The following AGAP3 variants were observed in gnomAD, a reference collection of about 807,000 sequenced individuals.
AGAP3 encodes the protein arf-GAP with GTPase, ANK repeat and PH domain-containing protein 3.
Under a neutral mutation model 96.9 loss-of-function variants are expected in AGAP3, and 24 were observed. The observed-to-expected ratio is 0.25, with a 90% CI of 0.18 to 0.35. AGAP3 has a LOEUF of 0.35. AGAP3 is among the 10% of genes least tolerant of loss of function. The pLI is 1.00. For missense variants in AGAP3, 876 were observed against 1,254.2 expected, an observed-to-expected ratio of 0.70 and a Z score of 4.55; for synonymous variants, 563 against 536.1, an observed-to-expected ratio of 1.05 and a Z score of -0.69.
At chr7:151,123,737 G>T in intron 8 of AGAP3, 57 bp from the exon 9 acceptor site, 1 of 1,597,930 alleles carries the variant, frequency 6.3e-7, no homozygotes. Context: ...AAGTCCAGGT[G>T]GGCAGCTCTC....
rs1232393548 is a variant in AGAP3 at position 151,138,274 on chromosome 7, G to A, written c.1627G>A (p.Glu543Lys). The A allele has an allele frequency of 6.2e-7, 1 of 1,612,824 alleles. No homozygotes were observed. Among genetic ancestry groups the A allele is most frequent in the Admixed American group, 1.7e-5 (1 of 60,002 alleles). ...CSVSSADQWSEATTSLPPGMQ... is the reference protein window; with the variant it reads ...CSVSSADQWSKATTSLPPGMQ... ...CGTTTCCAGCGCCGACCAGTGGAGTGAGGCCACCACTTCCCTGCCCCCAGG... is the reference window on the plus strand; with the variant it reads ...CGTTTCCAGCGCCGACCAGTGGAGTAAGGCCACCACTTCCCTGCCCCCAGG... Residue 543 changes from glutamate to lysine, a missense_variant, in exon 12 of 18, where the codon GAG becomes AAG. This residue lies in a region of AGAP3 where 155 missense variants were observed against 144.4 expected (regional missense o/e 1.07). Transcript: ENST00000397238.
intron 1 of AGAP3, among the ~76,000 whole-genome samples, chr7:151,091,170 G>A (rs919541689): frequency 1.3e-5 from 2 of 152,172 alleles, no homozygotes; most frequent in African/African-American, 2.4e-5. Context: ...CCTGCATTCC[G>A]CCGTGGGCCC....
Position 151,134,432 on chromosome 7 carries a change from T to G in AGAP3, c.1359T>G (p.Ile453Met). The change falls in exon 11 of 18, where the codon ATT becomes ATG. Residue 453 changes from isoleucine (I) to methionine (M), a missense_variant. By Grantham distance (10) the Ile-to-Met change is conservative (BLOSUM62 1). Coordinates refer to ENST00000397238, the MANE Select transcript of AGAP3 (RefSeq NM_031946.7). ...TGCAGAACATCCACGGCAAGGAGAT[T>G]GACCTGCTGCGGACAACGGTGAAAG... The part of the protein sequence containing the change: ...DYMQNIHGKE[I>M]DLLRTTVKVP... 1 of 1,613,552 alleles carries G rather than the reference T, an allele frequency of 6.2e-7. No homozygotes were observed. The highest frequency in any genetic ancestry group is 1.1e-5 in the South Asian group (1 of 91,072).
At position 151,118,077 on chromosome 7, in the gene AGAP3, C is replaced by T. The variant is rs1286783736; in HGVS notation, c.707-133C>T. 2 of 1,245,832 alleles carry T rather than the reference C, an allele frequency of 1.6e-6. No homozygotes were observed. The highest frequency in any genetic ancestry group is 2.5e-5 in the East Asian group (1 of 40,482). The allele number at this position is 1,245,832 out of a possible 1,614,324, so 77.2% of individuals were successfully genotyped here. On this transcript the variant is annotated intron_variant, in intron 5 of 17. Coordinates refer to ENST00000397238, the MANE Select transcript of AGAP3 (RefSeq NM_031946.7). This position sits in a 1 kb window ranked among gnomAD's most constrained non-coding sequence, Gnocchi z 6.1. Reference sequence around the variant, plus strand: ...GAAGGGTTGAAATGAGACCCAGGCACCCGCGTTCTTGGTGCTCTGTGTGTT... The same window carrying T: ...GAAGGGTTGAAATGAGACCCAGGCATCCGCGTTCTTGGTGCTCTGTGTGTT...
chr7:151,120,809 G>A, intron 8 of AGAP3: 1 of 1,171,640 alleles, frequency 8.5e-7, no homozygotes, highest in Non-Finnish European at 1.1e-6. Context: ...CCACACCTGG[G>A]GGCTGTTGTG....
At chr7:151,123,478 G>C (rs941172763) in intron 8 of AGAP3, 2 of 1,181,700 alleles carry the variant, frequency 1.7e-6, no homozygotes, top group Non-Finnish European at 2.1e-6. Context: ...CAGCCCCACC[G>C]TCCACCTCCT....
chr7:151,123,319 CCT>C (rs764175311), intron 8 of AGAP3: 13 of 1,030,552 alleles, frequency 1.3e-5, no homozygotes, highest in Non-Finnish European at 1.3e-5. Context: ...TGGCCTCTCT[CCT>C]CTCTCTGTCC....
At position 151,139,551 on chromosome 7, in the gene AGAP3, T is replaced by G. The variant is rs1443432846; in HGVS notation, c.1667-428T>G. The G allele has an allele frequency of 6.5e-6, 1 of 154,552 alleles. No homozygotes were observed. The highest frequency in any genetic ancestry group is 1.4e-5 in the Non-Finnish European group (1 of 69,700). 9.6% of individuals were successfully genotyped at this position (154,552 alleles called of 1,614,324 possible). ...CGGGGTGTGGGAGACGGAGCTTGAT[T>G]AGCGCGCTCTAATTGACAGTAATTA... On this transcript the variant is annotated intron_variant, in intron 12 of 17. Coordinates refer to ENST00000397238, the MANE Select transcript of AGAP3 (RefSeq NM_031946.7). The surrounding 1 kb of genome is among the most constrained non-coding windows in gnomAD (Gnocchi z 4.9).
chr7:151,092,704 C>A (rs10279252), intron 1 of AGAP3, among the ~76,000 whole-genome samples: 1 of 152,120 alleles, frequency 6.6e-6, no homozygotes, highest in African/African-American at 2.4e-5. Context: ...GTGAGACAGC[C>A]TAGGACCTAG....
chr7:151,123,321 T>C, intron 8 of AGAP3: 1 of 1,029,610 alleles, frequency 9.7e-7, no homozygotes, highest in South Asian at 3.7e-5. Context: ...GCCTCTCTCC[T>C]CTCTCTGTCC....
rs775284446 is a variant in AGAP3, at chr7:151,138,201, G to A, written c.1554G>A (p.Ser518=). The A allele has an allele frequency of 8.7e-5, 140 of 1,610,608 alleles. No homozygotes were observed. The highest frequency in any genetic ancestry group is 1.1e-4 in the Non-Finnish European group (133 of 1,179,072). Residue 518 remains serine, a synonymous_variant, in exon 12 of 18, where the codon TCG becomes TCA. Coordinates refer to ENST00000397238, the MANE Select transcript of AGAP3 (RefSeq NM_031946.7). ...ACTCTGAGCGCCCCCTCAGCAGCTC[G>A]GCCTGGGCTGGCCCGCGCCCTGAGG... ...SLHSERPLSS[S]AWAGPRPEGL... is the part of the protein sequence containing the mutation.
rs771863311 is a variant in AGAP3, at chr7:151,142,259, T to C, written c.2050+6T>C. ...TATCGACTGCGATGCACCCAGTGAG[T>C]GCAAGGCTGGTGGGGCTGGGAGCTG... On this transcript the variant is annotated splice_donor_region_variant and intron_variant, in intron 15 of 17. Coordinates refer to ENST00000397238, the MANE Select transcript of AGAP3 (RefSeq NM_031946.7). The surrounding 1 kb of genome is among the most constrained non-coding windows in gnomAD (Gnocchi z 7.5). 1 of 1,612,142 alleles carries C rather than the reference T, an allele frequency of 6.2e-7. No individual in the cohort carries two copies. Among genetic ancestry groups the C allele is most frequent in the Non-Finnish European group, 8.5e-7 (1 of 1,179,500 alleles).
rs10281455 is a variant in AGAP3 at position 151,133,064 on chromosome 7, C to T, written c.1327-1336C>T. On this transcript the variant is annotated intron_variant, in intron 10 of 17. Transcript: ENST00000397238. The surrounding 1 kb of genome is among the most constrained non-coding windows in gnomAD (Gnocchi z 5.4). ...CGTCTGGGAAGGCTCGTCGCACGGC[C>T]GCCCTTAGGATGCAGATATTCCAGA... 5.4e-3 allele frequency among the ~76,000 whole-genome samples: 823 copies of T among 152,264 alleles called. 2 individuals carry two copies. Among genetic ancestry groups the T allele is most frequent in the African/African-American group, 0.019 (779 of 41,550 alleles).
intron 1 of AGAP3, chr7:151,115,322 G>A: frequency 9.9e-7 from 1 of 1,010,846 alleles, no homozygotes; most frequent in Non-Finnish European, 1.2e-6. Context: ...GCGGCCTGGC[G>A]GCGCTCAGGA....
intron 1 of AGAP3, among the ~76,000 whole-genome samples, chr7:151,110,442 G>A (rs1255276087): frequency 1.3e-5 from 2 of 151,640 alleles, no homozygotes; most frequent in Non-Finnish European, 2.9e-5. Flanking sequence ...AAGGCTGGAT[G>A]GGGATGGAGG....
chr7:151,110,980 A>G (rs1388485474), intron 1 of AGAP3, among the ~76,000 whole-genome samples: 1 of 152,148 alleles, frequency 6.6e-6, no homozygotes, highest in African/African-American at 2.4e-5. Context: ...CTGCTGGGAC[A>G]CTTAGGGAGG....
intron 9 of AGAP3, among the ~76,000 whole-genome samples, chr7:151,124,210 C>A (rs1800057411): frequency 6.6e-6 from 1 of 152,192 alleles, no homozygotes; most frequent in Non-Finnish European, 1.5e-5. Context: ...GAGTGGCTCT[C>A]TAAGGAAAAT....
intron 8 of AGAP3, chr7:151,123,513 G>A (rs1050420796): frequency 1.6e-6 from 2 of 1,243,038 alleles, no homozygotes; most frequent in Admixed American, 3.7e-5. Context: ...TTACGCCCCC[G>A]CCCCGGGCGT....
At chr7:151,129,233 C>T (rs541194473) in intron 10 of AGAP3, among the ~76,000 whole-genome samples, 6 of 152,098 alleles carry the variant, frequency 3.9e-5, no homozygotes, top group South Asian at 4.1e-4. Flanking sequence ...CCCCTCACCG[C>T]GTGGCTCCAG....
Sources: gnomAD v4.1 joint callset for allele counts (sites outside exome capture counted in the v4.1 genomes callset) on GRCh38, gnomAD v4.1.1 for gene constraint, gnomAD v4.1.1 regional missense constraint, Gnocchi (gnomAD v3.1) non-coding constraint, MANE v1.5 for transcripts, NCBI Gene and HGNC (gene_info 2026-07-23, HGNC 2026-07-21) for gene names.